Variants in CCDC82 observed in about 807,000 individuals in gnomAD.
CCDC82 encodes coiled-coil domain containing 82, also known as coiled-coil domain-containing protein 82.
CCDC82 carries 47 observed loss-of-function variants against 60.6 expected under a neutral mutation model. The ratio of observed to expected loss-of-function variants is 0.77; its 90% CI spans 0.61 to 0.99. The LOEUF is 0.99. Ranked by LOEUF, CCDC82 falls within the 50% of genes least tolerant of loss-of-function variation. The probability of loss-of-function intolerance (pLI) is 0.00; values close to 1 mark genes in which losing one functional copy is unlikely to be tolerated. For missense variants in CCDC82, 588 were observed against 633.0 expected (o/e 0.93, Z 0.76); for synonymous variants, 212 against 207.4 (o/e 1.02, Z -0.19).
intron 8 of CCDC82, among the ~76,000 whole-genome samples, chr11:96,362,389 C>A (rs1477460619): frequency 6.6e-6 from 1 of 152,162 alleles, no homozygotes; most frequent in Admixed American, 6.5e-5. Context: ...ACAGATAGTA[C>A]AATACCAATC....
At chr11:96,385,681 G>C (rs1310398638) in intron 3 of CCDC82, 2 of 152,118 alleles carry the variant, frequency 1.3e-5, no homozygotes, top group East Asian at 3.9e-4. Flanking sequence ...TAAGTTCCAC[G>C]GCAAAGCAGA....
intron 6 of CCDC82, among the ~76,000 whole-genome samples, chr11:96,372,488 CTTA>C (rs1424778199): frequency 2.8e-4 from 43 of 151,170 alleles, no homozygotes; most frequent in African/African-American, 1.0e-3. Flanking sequence ...TAATGCCTAG[CTTA>C]TAGTAGACAT....
In CCDC82 at chr11:96,384,681, G is replaced by A. The variant is rs1866090527; in HGVS notation, c.67C>T (p.Arg23Ter). 1.2e-6 allele frequency: 2 copies of A among 1,613,010 alleles called. No homozygotes were observed. The highest frequency in any genetic ancestry group is 2.2e-5 in the East Asian group (1 of 44,844). ...CTTTTAGTTCGCCTCCAATCAACTCGAGATTTCTGCTCAGGCACGTGACTC... is the reference window on the plus strand; with the variant it reads ...CTTTTAGTTCGCCTCCAATCAACTCAAGATTTCTGCTCAGGCACGTGACTC... ...SKSHVPEQKS[R>*]VDWRRTKRSS... The change falls in exon 4 of 10, where the codon CGA (arginine) becomes TGA (stop). Residue 23 changes from arginine to a stop codon, truncating the protein, a stop_gained. Coordinates refer to ENST00000646818, the MANE Select transcript of CCDC82 (RefSeq NM_024725.4). LOFTEE classifies it high-confidence loss of function.
intron 5 of CCDC82, among the ~76,000 whole-genome samples, chr11:96,375,473 G>A (rs1289712900): frequency 1.3e-5 from 2 of 152,126 alleles, no homozygotes; most frequent in African/African-American, 4.8e-5. Context: ...ACTGGTGGGT[G>A]GTGGTGGGTT....
rs986310194 is a variant in CCDC82 at position 96,388,667 on chromosome 11, G to T, written c.-138-1054C>A. 3 of 152,114 alleles carry T rather than the reference G, an allele frequency of 2.0e-5. No homozygotes were observed. The East Asian group carries it at 5.8e-4, about 29-fold the overall frequency. The allele number at this position is 152,114 out of a possible 1,614,324, so 9.4% of individuals were successfully genotyped here. On this transcript the variant is annotated intron_variant, in intron 1 of 9. Coordinates refer to ENST00000646818, the MANE Select transcript of CCDC82 (RefSeq NM_024725.4). ...AACTTTGAGGTTAATTCATACTCAA[G>T]AAAAGATTCATTCTAGAAATCACCT...
intron 5 of CCDC82, chr11:96,380,390 GA>G (rs1171801241): frequency 2.0e-5 from 3 of 151,714 alleles, no homozygotes; most frequent in Non-Finnish European, 3.0e-5. Flanking sequence ...GAATACACAA[GA>G]TAAAATATGT....
intron 7 of CCDC82, among the ~76,000 whole-genome samples, chr11:96,366,714 CCCCT>C (rs900463457): frequency 4.9e-4 from 74 of 152,212 alleles, no homozygotes; most frequent in African/African-American, 1.8e-3. Context: ...CAGAACGAGA[CCCCT>C]CTATTCCCTC....
Position 96,384,648 on chromosome 11 carries a change from T to C in CCDC82, c.100A>G (p.Ile34Val), listed in dbSNP as rs61746142. ...VDWRRTKRSS[I>V]SQLLDSDEEL... is the part of the protein sequence containing the mutation. ...TCATCACTATCAAGTAATTGTGAGA[T>C]ACTACTTCTTTTAGTTCGCCTCCAA... The change falls in exon 4 of 10, where the codon ATC (isoleucine) becomes GTC (valine). Residue 34 changes from isoleucine to valine, a missense_variant. Physicochemically the swap from Ile to Val is conservative, Grantham distance 29. Transcript: ENST00000646818. The C allele has an allele frequency of 8.1e-3, 13,135 of 1,613,526 alleles. 60 individuals are homozygous for C. Among genetic ancestry groups the C allele is most frequent in the Non-Finnish European group, 9.9e-3 (11,697 of 1,179,626 alleles).
chr11:96,357,886 G>A (rs1864427975), intron 9 of CCDC82: 1 of 985,204 alleles, frequency 1.0e-6, no homozygotes, highest in Admixed American at 6.2e-5. Context: ...CAAAGTAAAA[G>A]ACAAAAAGCT....
chr11:96,383,109 T>A, intron 5 of CCDC82, 160 bp downstream of exon 5: 1 of 596,534 alleles, frequency 1.7e-6, no homozygotes, highest in Non-Finnish European at 3.0e-6. Context: ...AAATGGTTCC[T>A]GAGACCACTG....
intron 7 of CCDC82, among the ~76,000 whole-genome samples, chr11:96,369,527 G>A (rs1327094527): frequency 1.3e-5 from 2 of 152,182 alleles, no homozygotes; most frequent in African/African-American, 4.8e-5. Flanking sequence ...GAGGAAGAGA[G>A]ATGGGAAAAC....
rs1565294320 is a variant in CCDC82 at position 96,353,417 on chromosome 11, A to T, written c.*229T>A. On this transcript the variant is annotated 3_prime_UTR_variant, in exon 10 of 10. Coordinates refer to ENST00000646818, the MANE Select transcript of CCDC82 (RefSeq NM_024725.4). The stretch of plus-strand genomic sequence containing the variant: ...AGCCATTATTATATAACTTTAAAAT[A>T]TATTTACAGACTTAAAAATTAAGAT... 7.0e-6 allele frequency: 3 copies of T among 427,182 alleles called. No homozygotes were observed. 26.5% of individuals were successfully genotyped at this position (427,182 alleles called of 1,614,324 possible). A position where few individuals can be genotyped will look rare whatever the true frequency, so the allele number is the denominator to read the frequency against.
At chr11:96,377,864 T>C (rs554258391) in intron 5 of CCDC82, among the ~76,000 whole-genome samples, 1 of 152,216 alleles carries the variant, frequency 6.6e-6, no homozygotes, top group East Asian at 1.9e-4. Flanking sequence ...ATAAATGTGT[T>C]ACGCATTATG....
At chr11:96,382,853 A>G (rs1354306195) in intron 5 of CCDC82, 1 of 155,470 alleles carries the variant, frequency 6.4e-6, no homozygotes, top group Non-Finnish European at 1.4e-5. Context: ...GCTGGCTTCT[A>G]TAAGCTAGAC....
At chr11:96,374,453 C>G (rs1238762363) in intron 5 of CCDC82, among the ~76,000 whole-genome samples, 1 of 152,050 alleles carries the variant, frequency 6.6e-6, no homozygotes, top group African/African-American at 2.4e-5. Flanking sequence ...AGTATGCATT[C>G]TTTTCTAAGG....
In CCDC82 at chr11:96,352,981, A is replaced by C. The variant is rs1864159249; in HGVS notation, c.*665T>G. On this transcript the variant is annotated 3_prime_UTR_variant, in exon 10 of 10. Transcript: ENST00000646818. ...ATCATCAATATATAGACAAAATTGAATAGAAAAAAGTAAGAACATTATAAA... is the reference window on the plus strand; with the variant it reads ...ATCATCAATATATAGACAAAATTGACTAGAAAAAAGTAAGAACATTATAAA... The C allele has an allele frequency of 6.6e-6, 1 of 152,232 alleles. No individual in the cohort carries two copies. Among genetic ancestry groups the C allele is most frequent in the South Asian group, 2.1e-4 (1 of 4,832 alleles). 9.4% of individuals were successfully genotyped at this position (152,232 alleles called of 1,614,324 possible).
In CCDC82 at chr11:96,365,088, G is replaced by A. The variant is rs752425190; in HGVS notation, c.1272C>T (p.Cys424=). ...AGTAGCGATGCAGTCCACAAGCCTGGCAGGAACAGTTTTCAGGATTCTTCA... is the reference window on the plus strand; with the variant it reads ...AGTAGCGATGCAGTCCACAAGCCTGACAGGAACAGTTTTCAGGATTCTTCA... ...IHLKNPENCS[C]QACGLHRYCK... Residue 424 remains cysteine, a synonymous_variant, in exon 8 of 10, where the codon TGC becomes TGT. Coordinates refer to ENST00000646818, the MANE Select transcript of CCDC82 (RefSeq NM_024725.4). The A allele has an allele frequency of 1.2e-6, 2 of 1,606,396 alleles. No homozygotes were observed. Among genetic ancestry groups the A allele is most frequent in the Non-Finnish European group, 8.5e-7 (1 of 1,176,002 alleles).
intron 5 of CCDC82, chr11:96,382,451 A>G (rs1480269100): frequency 6.6e-6 from 1 of 151,748 alleles, no homozygotes; most frequent in African/African-American, 2.4e-5. Context: ...AATGAATATA[A>G]TTAAAAATAT....
chr11:96,378,262 C>A (rs1865692333), intron 5 of CCDC82, among the ~76,000 whole-genome samples: 2 of 151,948 alleles, frequency 1.3e-5, no homozygotes. Flanking sequence ...AGCTAGCTCC[C>A]TTTCACCTCA....
Sources: allele counts gnomAD v4.1 joint callset (sites outside exome capture counted in the v4.1 genomes callset), GRCh38; gene constraint gnomAD v4.1.1; transcripts MANE v1.5; gene names NCBI Gene and HGNC (gene_info 2026-07-23, HGNC 2026-07-21).